CBFA2T3: variants seen among roughly 807,000 people sequenced by gnomAD.
CBFA2T3 encodes the protein CBFA2/RUNX1 partner transcriptional co-repressor 3.
Under a neutral mutation model 58.6 loss-of-function variants are expected in CBFA2T3, and 31 were observed. That is an observed-to-expected ratio of 0.53 (90% CI 0.40 to 0.71). CBFA2T3 has a LOEUF of 0.71. CBFA2T3 is among the 30% of genes least tolerant of loss of function. The pLI is 0.00. For synonymous variants in CBFA2T3, 531 were observed against 421.9 expected, an observed-to-expected ratio of 1.26 and a Z score of -3.17; for missense variants, 1,076 against 963.1, an observed-to-expected ratio of 1.12 and a Z score of -1.55.
intron 1 of CBFA2T3, among the ~76,000 whole-genome samples, chr16:88,975,256 T>C (rs1235521282): frequency 6.7e-6 from 1 of 149,466 alleles, no homozygotes; most frequent in Non-Finnish European, 1.5e-5. Context: ...GCCCTGACCC[T>C]CTGTTTCATG....
At chr16:88,961,261 C>A (rs1597792900) in intron 1 of CBFA2T3, among the ~76,000 whole-genome samples, 2 of 152,280 alleles carry the variant, frequency 1.3e-5, no homozygotes, top group East Asian at 1.9e-4. Flanking sequence ...AGTGACGGAA[C>A]CTTCTGTAGG....
chr16:88,952,219 A>G (rs1200541156), intron 1 of CBFA2T3, among the ~76,000 whole-genome samples: 1 of 152,192 alleles, frequency 6.6e-6, no homozygotes, highest in Non-Finnish European at 1.5e-5. Flanking sequence ...TCCAAACCGC[A>G]TGCATCCCGG....
rs571614247 is a variant in CBFA2T3 at position 88,928,431 on chromosome 16, C to T, written c.152-26775G>A. The stretch of plus-strand genomic sequence containing the variant: ...ACACGTCCAGCTGCCCCCACACAGG[C>T]GAGACCCATGATCAAGCCCCAGGGC... On this transcript the variant is annotated intron_variant, in intron 1 of 11. Transcript: ENST00000268679. Among the ~76,000 whole-genome samples, 669 of 152,318 alleles carry T rather than the reference C, an allele frequency of 4.4e-3. 1 individual carries two copies. Among genetic ancestry groups the T allele is most frequent in the Middle Eastern group, 0.017 (5 of 294 alleles).
At chr16:88,922,193 G>A (rs1285191719) in intron 1 of CBFA2T3, among the ~76,000 whole-genome samples, 1 of 152,254 alleles carries the variant, frequency 6.6e-6, no homozygotes, top group African/African-American at 2.4e-5. Flanking sequence ...TCACCCAAGA[G>A]GGTACCCCAT....
intron 1 of CBFA2T3, among the ~76,000 whole-genome samples, chr16:88,926,342 C>T (rs1971084388): frequency 6.6e-6 from 1 of 152,224 alleles, no homozygotes; most frequent in Non-Finnish European, 1.5e-5. Context: ...CTCAATCCAC[C>T]ACTGAAGGCC....
At chr16:88,913,740 C>T (rs879736693) in intron 1 of CBFA2T3, among the ~76,000 whole-genome samples, 3 of 152,168 alleles carry the variant, frequency 2.0e-5, no homozygotes, top group African/African-American at 4.8e-5. Flanking sequence ...GTCACAGCAT[C>T]GTTTATGAGA....
intron 1 of CBFA2T3, among the ~76,000 whole-genome samples, chr16:88,966,616 C>T (rs539112339): frequency 2.6e-4 from 39 of 152,286 alleles, no homozygotes; most frequent in African/African-American, 4.8e-4. Context: ...CCTTGGAGGC[C>T]GGCCCTGGTT....
intron 1 of CBFA2T3, among the ~76,000 whole-genome samples, chr16:88,923,684 C>G (rs1244970810): frequency 6.6e-6 from 1 of 152,236 alleles, no homozygotes; most frequent in East Asian, 1.9e-4. Flanking sequence ...TCCTCCGCAA[C>G]CCGGCTCACA....
rs185641229 is a variant in CBFA2T3 at position 88,953,101 on chromosome 16, G to C, written c.151+23556C>G. Reference sequence around the variant, plus strand: ...AACACAACCTGGTCTCCGTCTGCCGGTTAGATCGGCCCCCAGTCCTGCTGG... The same window carrying C: ...AACACAACCTGGTCTCCGTCTGCCGCTTAGATCGGCCCCCAGTCCTGCTGG... On this transcript the variant is annotated intron_variant, in intron 1 of 11. Transcript: ENST00000268679. This position sits in a 1 kb window ranked among gnomAD's most constrained non-coding sequence, Gnocchi z 4.9. Among the ~76,000 whole-genome samples, 148 of 152,330 alleles carry C rather than the reference G, an allele frequency of 9.7e-4. No homozygotes were observed. The highest frequency in any genetic ancestry group is 8.2e-3 in the Admixed American group (125 of 15,304).
intron 3 of CBFA2T3, among the ~76,000 whole-genome samples, chr16:88,893,727 G>T (rs1373627138): frequency 6.6e-6 from 1 of 152,236 alleles, no homozygotes; most frequent in African/African-American, 2.4e-5. Context: ...TGTTCCAGGG[G>T]CCTGGCAGAC....
chr16:88,898,010 T>C (rs1969952482), intron 3 of CBFA2T3, 68 bp downstream of exon 3: 5 of 1,169,808 alleles, frequency 4.3e-6, no homozygotes, highest in Non-Finnish European at 6.4e-6. Flanking sequence ...GGCAGCAGTG[T>C]TGGGCCAGCT....
Position 88,885,051 on chromosome 16 carries a change from G to A in CBFA2T3, c.1112C>T (p.Pro371Leu), listed in dbSNP as rs1314911820. ...CGCCCCACCGGGCTGCTCACCAAGC[G>A]GCCGATGGCGCTCTCGTAGCTCCCG... Reference protein sequence around the residue: ...DPRELRERHRPLVVPGSRQEE... With the variant: ...DPRELRERHRLLVVPGSRQEE... Residue 371 changes from proline to leucine, a missense_variant, in exon 7 of 12, where the codon CCG becomes CTG. Coordinates refer to ENST00000268679, the MANE Select transcript of CBFA2T3 (RefSeq NM_005187.6). The surrounding 1 kb of genome is among the most constrained non-coding windows in gnomAD (Gnocchi z 5.3). 5.0e-6 allele frequency: 8 copies of A among 1,595,642 alleles called. No individual in the cohort carries two copies. The highest frequency in any genetic ancestry group is 4.5e-5 in the East Asian group (2 of 44,528).
At chr16:88,894,239 CAT>C (rs1251953138) in intron 3 of CBFA2T3, among the ~76,000 whole-genome samples, 4 of 71,372 alleles carry the variant, frequency 5.6e-5, no homozygotes, top group African/African-American at 2.7e-4. Context: ...CACACACATG[CAT>C]ACATATACAC....
At chr16:88,961,073 T>C (rs1597792746) in intron 1 of CBFA2T3, among the ~76,000 whole-genome samples, 1 of 152,246 alleles carries the variant, frequency 6.6e-6, no homozygotes, top group Non-Finnish European at 1.5e-5. Context: ...GAGGTCTCGC[T>C]GTGGGCAGGT....
intron 1 of CBFA2T3, chr16:88,941,183 G>A (rs935784323): frequency 4.7e-5 from 46 of 982,492 alleles, no homozygotes; most frequent in African/African-American, 3.3e-4. Context: ...GCGGGGCTGG[G>A]GCGCGCGGGG....
At chr16:88,888,349 C>A (rs182713308) in intron 5 of CBFA2T3, among the ~76,000 whole-genome samples, 1 of 146,788 alleles carries the variant, frequency 6.8e-6, no homozygotes, top group East Asian at 2.1e-4. Context: ...GTCAGGAACA[C>A]CGAGGCCCAA....
chr16:88,887,313 C>T (rs1433764531), intron 5 of CBFA2T3, among the ~76,000 whole-genome samples: 3 of 152,196 alleles, frequency 2.0e-5, no homozygotes, highest in Admixed American at 6.5e-5. Flanking sequence ...AGCTGGGAAA[C>T]GAGGTCCCGG....
rs947782578 is a variant in CBFA2T3 at position 88,891,863 on chromosome 16, G to T, written c.711+19C>A. 1.3e-6 allele frequency: 2 copies of T among 1,580,110 alleles called. No homozygotes were observed. The highest frequency in any genetic ancestry group is 2.7e-5 in the African/African-American group (2 of 73,732). ...TTCTAGGGAGGCTCCCGCAGCACGG[G>T]GGACGGGTTTCGCATTACCTTCAGG... On this transcript the variant is annotated intron_variant, in intron 5 of 11. Coordinates refer to ENST00000268679, the MANE Select transcript of CBFA2T3 (RefSeq NM_005187.6).
intron 1 of CBFA2T3, among the ~76,000 whole-genome samples, chr16:88,952,903 CG>C (rs1972115189): frequency 1.1e-4 from 6 of 55,140 alleles, no homozygotes; most frequent in Non-Finnish European, 1.9e-4. Context: ...AGGACCCCCA[CG>C]CAGGGCCTGT....
Sources: allele counts gnomAD v4.1 joint callset (sites outside exome capture counted in the v4.1 genomes callset), GRCh38; gene constraint gnomAD v4.1.1; non-coding constraint Gnocchi (gnomAD v3.1); transcripts MANE v1.5; gene names NCBI Gene and HGNC (gene_info 2026-07-23, HGNC 2026-07-21).